Variants in NCOA7 observed in about 807,000 individuals in gnomAD.
NCOA7 encodes 140 kDa estrogen receptor-associated protein.
Under a neutral mutation model 104.3 loss-of-function variants are expected in NCOA7, and 45 were observed. The ratio of observed to expected loss-of-function variants is 0.43; its 90% CI spans 0.34 to 0.55. The LOEUF (loss-of-function observed/expected upper bound fraction) is 0.55. Ranked by LOEUF, NCOA7 falls within the 20% of genes least tolerant of loss-of-function variation. The pLI is 0.02. For synonymous variants in NCOA7, 398 were observed against 402.3 expected, an observed-to-expected ratio of 0.99 and a Z score of 0.13; for missense variants, 1,041 against 1,119.7, an observed-to-expected ratio of 0.93 and a Z score of 1.00.
intron 2 of NCOA7, among the ~76,000 whole-genome samples, chr6:125,823,740 T>C (rs1213596211): frequency 6.6e-6 from 1 of 152,218 alleles, no homozygotes; most frequent in East Asian, 1.9e-4. Context: ...CTAAGTTACT[T>C]AATTCTGTGT....
intron 7 of NCOA7, among the ~76,000 whole-genome samples, chr6:125,883,286 A>G (rs994588532): frequency 6.6e-6 from 1 of 152,182 alleles, no homozygotes; most frequent in Admixed American, 6.5e-5. Flanking sequence ...TATGTTATTG[A>G]TGTGCATTTA....
intron 10 of NCOA7, chr6:125,913,552 C>A: frequency 5.0e-6 from 3 of 602,192 alleles, no homozygotes; most frequent in African/African-American, 4.0e-5. Flanking sequence ...ATCATAGTAT[C>A]TATCAATATC....
At chr6:125,847,228 T>C (rs1739659698) in intron 2 of NCOA7, among the ~76,000 whole-genome samples, 1 of 152,208 alleles carries the variant, frequency 6.6e-6, no homozygotes. Flanking sequence ...TTCTCTCTAA[T>C]CTCTTGCAAA....
At chr6:125,896,036 A>ATATATATAATATG in intron 10 of NCOA7, among the ~76,000 whole-genome samples, 1 of 148,112 alleles carries the variant, frequency 6.8e-6, no homozygotes, top group Admixed American at 6.8e-5. Flanking sequence ...TATATAATAC[A>ATATATATAATATG]TATATATACA....
rs1788375068 is a variant in NCOA7, at chr6:125,930,091, C to T, written c.*1320C>T. 1 of 152,184 alleles carries T rather than the reference C, an allele frequency of 6.6e-6. No homozygotes were observed. The highest frequency in any genetic ancestry group is 3.2e-3 in the Middle Eastern group (1 of 316). 9.4% of individuals were successfully genotyped at this position (152,184 alleles called of 1,614,324 possible). A position where few individuals can be genotyped will look rare whatever the true frequency, so the allele number is the denominator to read the frequency against. On this transcript the variant is annotated 3_prime_UTR_variant, in exon 16 of 16. Coordinates refer to ENST00000392477, the MANE Select transcript of NCOA7 (RefSeq NM_181782.5). ...TAAAATAAAGGTCCAGGCATAGTGG[C>T]TCTTGCCTGTAATCCCAGCACTTTG... is the stretch of plus-strand genomic sequence containing the variant.
chr6:125,788,621 T>A (rs975200531), upstream of NCOA7, among the ~76,000 whole-genome samples: 2 of 151,176 alleles, frequency 1.3e-5, no homozygotes, highest in African/African-American at 4.9e-5. Flanking sequence ...CTGCAACCTC[T>A]GCATCCCGGT....
chr6:125,899,662 A>G (rs1034467817), intron 10 of NCOA7, among the ~76,000 whole-genome samples: 3 of 152,190 alleles, frequency 2.0e-5, no homozygotes, highest in African/African-American at 7.2e-5. Context: ...CTAAACAAAT[A>G]TGTAATTATT....
At chr6:125,915,511 A>T (rs368802968) in intron 11 of NCOA7, 31 bp downstream of exon 11, 71 of 1,612,686 alleles carry the variant, frequency 4.4e-5, no homozygotes, top group Non-Finnish European at 5.6e-5. Flanking sequence ...AGACCGTCGT[A>T]GTTCCTAAGG....
intron 3 of NCOA7, among the ~76,000 whole-genome samples, chr6:125,855,923 A>C (rs1781513954): frequency 6.6e-6 from 1 of 152,032 alleles, no homozygotes; most frequent in Non-Finnish European, 1.5e-5. Context: ...GACCTCAGAC[A>C]CTTGAGAATC....
chr6:125,880,987 C>G (rs1028190331), intron 5 of NCOA7, 103 bp from the exon 6 acceptor site: 2 of 774,806 alleles, frequency 2.6e-6, no homozygotes, highest in Non-Finnish European at 4.6e-6. Context: ...AGGTCGTAAT[C>G]ATGCACTGAA....
intron 1 of NCOA7, among the ~76,000 whole-genome samples, chr6:125,809,251 C>G (rs1776742511): frequency 6.6e-6 from 1 of 151,928 alleles, no homozygotes; most frequent in Non-Finnish European, 1.5e-5. Context: ...TGCAGTGGTG[C>G]AATCTAGGCT....
intron 3 of NCOA7, among the ~76,000 whole-genome samples, chr6:125,871,774 TCAC>T (rs1331954777): frequency 6.6e-6 from 1 of 152,120 alleles, no homozygotes; most frequent in African/African-American, 2.4e-5. Flanking sequence ...GGCGGGCAGA[TCAC>T]TTGAGCCCAG....
At chr6:125,822,112 T>C (rs1197259793) in intron 2 of NCOA7, among the ~76,000 whole-genome samples, 2 of 152,172 alleles carry the variant, frequency 1.3e-5, no homozygotes, top group African/African-American at 4.8e-5. Flanking sequence ...CTGTAGATTG[T>C]TTTTTCCTGC....
chr6:125,856,009 G>A (rs1395582035), intron 3 of NCOA7, among the ~76,000 whole-genome samples: 1 of 152,104 alleles, frequency 6.6e-6, no homozygotes, highest in Non-Finnish European at 1.5e-5. Flanking sequence ...AACTACATTC[G>A]CAGAAGTGGC....
At chr6:125,861,024 G>A (rs1033540376) in intron 3 of NCOA7, among the ~76,000 whole-genome samples, 5 of 152,250 alleles carry the variant, frequency 3.3e-5, no homozygotes, top group East Asian at 1.9e-4. Flanking sequence ...GATTATCGTA[G>A]TCAAAGATTT....
intron 2 of NCOA7, among the ~76,000 whole-genome samples, chr6:125,826,021 T>G (rs894425946): frequency 2.0e-5 from 3 of 152,194 alleles, no homozygotes; most frequent in African/African-American, 7.2e-5. Flanking sequence ...TTAAGCACAC[T>G]TTATACGAAA....
intron 1 of NCOA7, among the ~76,000 whole-genome samples, chr6:125,802,802 T>C (rs1170810929): frequency 6.6e-6 from 1 of 152,248 alleles, no homozygotes; most frequent in African/African-American, 2.4e-5. Flanking sequence ...ACCATAGACT[T>C]GATTTCTTAA....
chr6:125,802,551 C>T (rs1053626214), intron 1 of NCOA7: 2 of 152,218 alleles, frequency 1.3e-5, no homozygotes, highest in African/African-American at 4.8e-5. Flanking sequence ...TGTTAATCCT[C>T]ACAGTCTATT....
At chr6:125,823,888 T>G (rs1014688548) in intron 2 of NCOA7, among the ~76,000 whole-genome samples, 2 of 152,108 alleles carry the variant, frequency 1.3e-5, no homozygotes, top group Non-Finnish European at 2.9e-5. Context: ...ATAGAAAATA[T>G]CAGAATGTGT....
Sources: allele counts gnomAD v4.1 joint callset (sites outside exome capture counted in the v4.1 genomes callset), GRCh38; gene constraint gnomAD v4.1.1; transcripts MANE v1.5; gene names NCBI Gene and HGNC (gene_info 2026-07-23, HGNC 2026-07-21).